Variants in NAPEPLD observed in about 807,000 individuals in gnomAD.
The protein encoded by NAPEPLD is N-acyl phosphatidylethanolamine phospholipase D, also known as N-acyl-phosphatidylethanolamine-hydrolyzing phospholipase D.
Under a neutral mutation model 38.1 loss-of-function variants are expected in NAPEPLD, and 23 were observed. That is an observed-to-expected ratio of 0.60 (90% CI 0.43 to 0.86). The LOEUF is 0.86. Among genes scored for constraint, NAPEPLD ranks in the 40% least tolerant of loss-of-function variants. The probability of loss-of-function intolerance (pLI) is 0.00; values close to 1 mark genes in which losing one functional copy is unlikely to be tolerated. For missense variants in NAPEPLD, 411 were observed against 476.8 expected (o/e 0.86, Z 1.28); for synonymous variants, 147 against 162.0 (o/e 0.91, Z 0.71).
At chr7:103,146,549 G>A (rs868288190) in intron 1 of NAPEPLD, among the ~76,000 whole-genome samples, 22 of 152,214 alleles carry the variant, frequency 1.4e-4, no homozygotes, top group South Asian at 2.1e-4. Flanking sequence ...CACCTTCAAG[G>A]GGAAAAATGG....
intron 1 of NAPEPLD, among the ~76,000 whole-genome samples, chr7:103,130,268 C>T (rs1056988105): frequency 1.3e-5 from 2 of 152,174 alleles, no homozygotes; most frequent in African/African-American, 2.4e-5. Flanking sequence ...TTTTTCCAAA[C>T]TGTCTAGAGT....
upstream of NAPEPLD, chr7:103,149,543 C>T (rs1454739950): frequency 3.3e-6 from 4 of 1,216,568 alleles, no homozygotes; most frequent in African/African-American, 6.5e-5. Context: ...GACAGCAGGG[C>T]CAGCGGTGGC....
chr7:103,108,331 C>CG (rs1253092883), intron 4 of NAPEPLD, among the ~76,000 whole-genome samples: 1 of 151,960 alleles, frequency 6.6e-6, no homozygotes, highest in East Asian at 1.9e-4. Context: ...TTAGTAGAGA[C>CG]GGGGTTTCAC....
chr7:103,126,977 C>T (rs1241352891), intron 2 of NAPEPLD: 1 of 151,836 alleles, frequency 6.6e-6, no homozygotes, highest in Non-Finnish European at 1.5e-5. Context: ...TCTTAAATTA[C>T]AGAGAATTGA....
At chr7:103,132,947 G>A (rs920630655) in intron 1 of NAPEPLD, among the ~76,000 whole-genome samples, 11 of 152,010 alleles carry the variant, frequency 7.2e-5, no homozygotes, top group African/African-American at 2.7e-4. Flanking sequence ...ATCAATCTGT[G>A]GAAACAGGTC....
chr7:103,124,853 A>G (rs1807438649), intron 2 of NAPEPLD, among the ~76,000 whole-genome samples: 1 of 152,228 alleles, frequency 6.6e-6, no homozygotes, highest in African/African-American at 2.4e-5. Flanking sequence ...GTACCCAATC[A>G]GGAGTGAAAT....
intron 2 of NAPEPLD, among the ~76,000 whole-genome samples, chr7:103,120,733 A>T (rs1806520955): frequency 1.4e-4 from 3 of 21,638 alleles, no homozygotes; most frequent in Admixed American, 9.5e-4. Flanking sequence ...TTTTTGTCTG[A>T]GACAGGCTCT....
At chr7:103,147,235 G>C (rs1339284137) in intron 1 of NAPEPLD, among the ~76,000 whole-genome samples, 1 of 152,204 alleles carries the variant, frequency 6.6e-6, no homozygotes, top group Non-Finnish European at 1.5e-5. Context: ...AATCACATGG[G>C]TGATATTTTA....
At chr7:103,129,883 T>C (rs932829164) in intron 1 of NAPEPLD, among the ~76,000 whole-genome samples, 2 of 152,314 alleles carry the variant, frequency 1.3e-5, no homozygotes, top group African/African-American at 2.4e-5. Context: ...AAACCCAACA[T>C]CACAGCTCAA....
At chr7:103,105,697 C>A (rs959820748) in intron 4 of NAPEPLD, among the ~76,000 whole-genome samples, 9 of 152,152 alleles carry the variant, frequency 5.9e-5, no homozygotes, top group Non-Finnish European at 1.3e-4. Context: ...CCAGTTAAGG[C>A]TGAAGCGGAC....
At chr7:103,128,131 G>A (rs530898765) in intron 2 of NAPEPLD, 1 of 259,938 alleles carries the variant, frequency 3.8e-6, no homozygotes, top group South Asian at 6.5e-5. Context: ...TCATGACCTT[G>A]TTCATGCCAT....
At chr7:103,105,957 AG>A (rs1803248976) in intron 4 of NAPEPLD, among the ~76,000 whole-genome samples, 1 of 144,968 alleles carries the variant, frequency 6.9e-6, no homozygotes, top group Non-Finnish European at 1.5e-5. Context: ...AAAAAAAAAA[AG>A]GCTGAAGAGG....
chr7:103,113,221 C>T (rs1036922059), intron 4 of NAPEPLD, among the ~76,000 whole-genome samples: 1 of 152,182 alleles, frequency 6.6e-6, no homozygotes, highest in Non-Finnish European at 1.5e-5. Flanking sequence ...CAGTCTTAAA[C>T]TTCTCCCTTC....
intron 2 of NAPEPLD, among the ~76,000 whole-genome samples, chr7:103,123,263 T>C (rs1043849642): frequency 2.0e-5 from 3 of 152,242 alleles, no homozygotes; most frequent in African/African-American, 7.2e-5. Context: ...TTGTCCCATG[T>C]CTTATGAAAG....
At chr7:103,135,687 C>T (rs1809885086) in intron 1 of NAPEPLD, among the ~76,000 whole-genome samples, 1 of 151,966 alleles carries the variant, frequency 6.6e-6, no homozygotes, top group Admixed American at 6.6e-5. Context: ...ATAATTATTG[C>T]ATCAAAAATA....
chr7:103,124,957 C>T (rs1419192314), intron 2 of NAPEPLD, among the ~76,000 whole-genome samples: 6 of 152,158 alleles, frequency 3.9e-5, no homozygotes, highest in African/African-American at 1.2e-4. Flanking sequence ...AACAATGAAA[C>T]TCATATCTTC....
chr7:103,144,762 C>T (rs1812197476), intron 1 of NAPEPLD, among the ~76,000 whole-genome samples: 1 of 151,888 alleles, frequency 6.6e-6, no homozygotes, highest in South Asian at 2.1e-4. Context: ...AATCCCAGCA[C>T]TTTCAGAGGC....
chr7:103,146,471 T>C (rs1812585656), intron 1 of NAPEPLD, among the ~76,000 whole-genome samples: 1 of 152,242 alleles, frequency 6.6e-6, no homozygotes, highest in Admixed American at 6.5e-5. Context: ...AGGCATTCAG[T>C]GTTAAATCAA....
chr7:103,100,562 A>T lies in NAPEPLD; in HGVS notation c.*2867T>A, dbSNP rs1467132168. ...TTTCTCCTAATTGATGACCCACCCT[A>T]TTGGGCAGTGAGGCATAGCAAAGTA... is the stretch of plus-strand genomic sequence containing the variant. On this transcript the variant is annotated 3_prime_UTR_variant, in exon 5 of 5. Coordinates refer to ENST00000465647, the MANE Select transcript of NAPEPLD (RefSeq NM_001122838.3). The T allele has an allele frequency of 6.6e-6, 1 of 152,200 alleles. No individual in the cohort carries two copies. Among genetic ancestry groups the T allele is most frequent in the African/African-American group, 2.4e-5 (1 of 41,440 alleles). 9.4% of individuals were successfully genotyped at this position (152,200 alleles called of 1,614,324 possible). A position where few individuals can be genotyped will look rare whatever the true frequency, so the allele number is the denominator to read the frequency against.
Sources: allele counts gnomAD v4.1 joint callset (sites outside exome capture counted in the v4.1 genomes callset), GRCh38; gene constraint gnomAD v4.1.1; transcripts MANE v1.5; gene names NCBI Gene and HGNC (gene_info 2026-07-23, HGNC 2026-07-21).